Variants in ADAMTSL1 observed in about 807,000 individuals in gnomAD.
The protein encoded by ADAMTSL1 is ADAMTS-like protein 1.
ADAMTSL1 carries 126 observed loss-of-function variants against 201.8 expected under a neutral mutation model. The observed-to-expected ratio is 0.62, with a 90% confidence interval of 0.54 to 0.72. The LOEUF (loss-of-function observed/expected upper bound fraction) is 0.72. ADAMTSL1 is among the 30% of genes least tolerant of loss of function. The pLI is 0.00. For missense variants in ADAMTSL1, 2,679 were observed against 2,277.8 expected (o/e 1.18, Z -3.59); for synonymous variants, 1,121 against 903.4 (o/e 1.24, Z -4.32).
chr9:18,095,699 C>CATGT (rs1824221661), intron 1 of ADAMTSL1, among the ~76,000 whole-genome samples: 1 of 152,186 alleles, frequency 6.6e-6, no homozygotes, highest in African/African-American at 2.4e-5. Context: ...GCTGGGATTA[C>CATGT]AGGTGTGAGC....
chr9:18,781,414 C>T (rs947704864), intron 19 of ADAMTSL1, among the ~76,000 whole-genome samples: 2 of 152,158 alleles, frequency 1.3e-5, no homozygotes, highest in Admixed American at 1.3e-4. Flanking sequence ...CCTTTCTGAC[C>T]TTTGACATCA....
rs1359690609 is a variant in ADAMTSL1, at chr9:18,042,504, T to C, written c.88-121358T>C. On this transcript the variant is annotated intron_variant, in intron 1 of 29. Coordinates refer to the ADAMTSL1 transcript ENST00000680146. ...AGGGGTTGAGAAGTCAAGTAACTTG[T>C]CAAAATCCTCACTAATACATAGGAT... Among the ~76,000 whole-genome samples the C allele has an allele frequency of 3.3e-5, 5 of 152,102 alleles. No homozygotes were observed. In the South Asian group the frequency reaches 8.3e-4, roughly 25 times the overall value.
intron 23 of ADAMTSL1, among the ~76,000 whole-genome samples, chr9:18,845,078 G>A (rs1826011073): frequency 6.6e-6 from 1 of 152,174 alleles, no homozygotes; most frequent in Admixed American, 6.5e-5. Flanking sequence ...ACTCCCTAGT[G>A]AGATGAACCC....
At chr9:18,230,148 G>A (rs774281564) in intron 2 of ADAMTSL1, among the ~76,000 whole-genome samples, 5 of 152,156 alleles carry the variant, frequency 3.3e-5, no homozygotes, top group African/African-American at 9.7e-5. Flanking sequence ...TAGAGCCACA[G>A]TGATAAGCAG....
chr9:18,850,288 G>C (rs1402042931), intron 23 of ADAMTSL1, among the ~76,000 whole-genome samples: 2 of 152,196 alleles, frequency 1.3e-5, no homozygotes, highest in Admixed American at 1.3e-4. Context: ...CCCTGAAATA[G>C]ACAGGGATTG....
chr9:17,929,915 C>T (rs1326018734), intron 1 of ADAMTSL1, among the ~76,000 whole-genome samples: 1 of 152,134 alleles, frequency 6.6e-6, no homozygotes, highest in Non-Finnish European at 1.5e-5. Flanking sequence ...CAGGGATGGA[C>T]TCACTCTGCA....
At chr9:18,127,439 G>A (rs1185411248) in intron 1 of ADAMTSL1, among the ~76,000 whole-genome samples, 3 of 151,466 alleles carry the variant, frequency 2.0e-5, no homozygotes, top group Non-Finnish European at 1.5e-5. Context: ...AATGGAGTGT[G>A]TGGATCTGTG....
chr9:18,248,013 T>C (rs1182645423), intron 2 of ADAMTSL1, among the ~76,000 whole-genome samples: 1 of 152,156 alleles, frequency 6.6e-6, no homozygotes, highest in African/African-American at 2.4e-5. Context: ...AAAGTTGCTT[T>C]CCTTATCTGT....
At chr9:18,794,374 A>C (rs959187861) in intron 19 of ADAMTSL1, among the ~76,000 whole-genome samples, 8 of 150,826 alleles carry the variant, frequency 5.3e-5, no homozygotes, top group Non-Finnish European at 1.0e-4. Context: ...GTGCCTCCAC[A>C]CTCGTGGGTG....
At chr9:18,904,540 C>G (rs1173961412) in intron 26 of ADAMTSL1, among the ~76,000 whole-genome samples, 1 of 140,238 alleles carries the variant, frequency 7.1e-6, no homozygotes, top group Non-Finnish European at 1.5e-5. Context: ...AGGCTGAGGT[C>G]GGGGGATCAA....
chr9:18,687,202 C>T (rs1445242664), intron 13 of ADAMTSL1, among the ~76,000 whole-genome samples: 1 of 152,152 alleles, frequency 6.6e-6, no homozygotes, highest in East Asian at 1.9e-4. Flanking sequence ...GTGTTTAGTG[C>T]ACTGCACCCT....
intron 1 of ADAMTSL1, among the ~76,000 whole-genome samples, chr9:18,129,043 A>G (rs1246262107): frequency 6.6e-6 from 1 of 152,224 alleles, no homozygotes; most frequent in African/African-American, 2.4e-5. Flanking sequence ...AAACAATTGC[A>G]GAAATTTCCC....
At chr9:18,336,844 T>C (rs1476234759) in intron 2 of ADAMTSL1, among the ~76,000 whole-genome samples, 2 of 152,296 alleles carry the variant, frequency 1.3e-5, no homozygotes, top group Non-Finnish European at 1.5e-5. Context: ...GGCCATCTCA[T>C]TGGGACCATG....
At chr9:18,669,570 G>A (rs1426029767) in intron 9 of ADAMTSL1, among the ~76,000 whole-genome samples, 1 of 152,096 alleles carries the variant, frequency 6.6e-6, no homozygotes, top group Non-Finnish European at 1.5e-5. Flanking sequence ...CCTAATTATA[G>A]AATATTTTCC....
chr9:18,182,579 T>C (rs550331744), intron 2 of ADAMTSL1, among the ~76,000 whole-genome samples: 1 of 152,304 alleles, frequency 6.6e-6, no homozygotes, highest in East Asian at 1.9e-4. Context: ...TGCTGGCCTG[T>C]AAGGCAAAGT....
intron 2 of ADAMTSL1, among the ~76,000 whole-genome samples, chr9:18,274,713 T>C (rs1563851054): frequency 6.6e-6 from 1 of 152,022 alleles, no homozygotes; most frequent in Admixed American, 6.5e-5. Context: ...AAGACTAAAA[T>C]AAAAAAACTA....
chr9:18,597,678 G>T lies in ADAMTSL1; in HGVS notation c.474+23412G>T, dbSNP rs115783943. 9.1e-3 allele frequency among the ~76,000 whole-genome samples: 1,378 copies of T among 152,034 alleles called. 23 individuals carry two copies. The highest frequency in any genetic ancestry group is 0.031 in the African/African-American group (1,303 of 41,496). On this transcript the variant is annotated intron_variant, in intron 4 of 28. Coordinates refer to ENST00000380548, the MANE Select transcript of ADAMTSL1 (RefSeq NM_001040272.6). ...GAAAGACAATTAGTAATTATACATG[G>T]GCTAACTGGCATACTTCCAAGGAAA...
chr9:18,253,260 G>A (rs1831537905), intron 2 of ADAMTSL1, among the ~76,000 whole-genome samples: 1 of 152,076 alleles, frequency 6.6e-6, no homozygotes, highest in Admixed American at 6.5e-5. Context: ...GATGAACATC[G>A]GATGTTAACA....
intron 2 of ADAMTSL1, among the ~76,000 whole-genome samples, chr9:18,411,411 C>T (rs948346033): frequency 6.6e-6 from 1 of 151,710 alleles, no homozygotes; most frequent in Non-Finnish European, 1.5e-5. Context: ...GTTGCCCAGG[C>T]TGGTCTCAAA....
Sources: gnomAD v4.1 joint callset for allele counts (sites outside exome capture counted in the v4.1 genomes callset) on GRCh38, gnomAD v4.1.1 for gene constraint, MANE v1.5 for transcripts, NCBI Gene and HGNC (gene_info 2026-07-23, HGNC 2026-07-21) for gene names.